The following ADGRF1 variants were observed in gnomAD, a reference collection of about 807,000 sequenced individuals.
The protein encoded by ADGRF1 is G protein-coupled receptor 110.
Under a neutral mutation model 87.2 loss-of-function variants are expected in ADGRF1, and 85 were observed. That is an observed-to-expected ratio of 0.97 (90% CI 0.82 to 1.17). The LOEUF (loss-of-function observed/expected upper bound fraction) is 1.17. Ranked by LOEUF, ADGRF1 falls within the 50% of genes most tolerant of loss-of-function variation. ADGRF1 has a pLI of 0.00. For synonymous variants in ADGRF1, 430 were observed against 408.8 expected, an observed-to-expected ratio of 1.05 and a Z score of -0.63; for missense variants, 1,169 against 1,077.2, an observed-to-expected ratio of 1.09 and a Z score of -1.19.
intron 9 of ADGRF1, chr6:47,013,113 C>A: frequency 1.0e-6 from 1 of 985,482 alleles, no homozygotes. Flanking sequence ...CTCCCATCTA[C>A]TTTTACTACA....
At chr6:47,042,146 C>T (rs1436692909) in intron 1 of ADGRF1, 45 bp downstream of exon 1, 4 of 152,014 alleles carry the variant, frequency 2.6e-5, no homozygotes, top group African/African-American at 7.3e-5. Flanking sequence ...TACTGGTCAT[C>T]GTAATACACG....
chr6:47,031,883 A>AT (rs909136748), intron 1 of ADGRF1, among the ~76,000 whole-genome samples: 16 of 151,810 alleles, frequency 1.1e-4, no homozygotes, highest in African/African-American at 2.7e-4. Context: ...AATTCTTTTA[A>AT]TTTTTTTTGT....
Position 47,020,174 on chromosome 6 carries a change from C to T in ADGRF1, c.611+557G>A, listed in dbSNP as rs75058770. 3,980 of 1,155,820 alleles carry T rather than the reference C, an allele frequency of 3.4e-3. 113 individuals are homozygous for T. The African/African-American group carries it at 0.058, about 17-fold the overall frequency. 71.6% of individuals were successfully genotyped at this position (1,155,820 alleles called of 1,614,324 possible). On this transcript the variant is annotated intron_variant, in intron 7 of 14. Transcript: ENST00000371253. Reference sequence around the variant, plus strand: ...TGTTTTGTAGTTCTACTCACTGACCCACAGTTTTGAGAATGCTTTCCAATA... The same window carrying T: ...TGTTTTGTAGTTCTACTCACTGACCTACAGTTTTGAGAATGCTTTCCAATA...
intron 8 of ADGRF1, among the ~76,000 whole-genome samples, 200 bp from the exon 9 acceptor site, chr6:47,015,044 C>CTAA (rs1278792334): frequency 1.5e-4 from 23 of 152,240 alleles, no homozygotes; most frequent in Admixed American, 5.2e-4. Flanking sequence ...GATGCCTTAC[C>CTAA]CTCCCTGAGG....
At chr6:47,004,301 T>C (rs1779452337) in intron 13 of ADGRF1, among the ~76,000 whole-genome samples, 1 of 152,222 alleles carries the variant, frequency 6.6e-6, no homozygotes, top group African/African-American at 2.4e-5. Flanking sequence ...AAGAAAATTA[T>C]AAATGCACAT....
chr6:47,020,459 G>A, intron 7 of ADGRF1: 1 of 1,290,110 alleles, frequency 7.8e-7, no homozygotes, highest in South Asian at 1.3e-5. Context: ...AGCCTAGATT[G>A]TGCCATTGCA....
intron 1 of ADGRF1, among the ~76,000 whole-genome samples, chr6:47,038,957 G>A (rs1780665620): frequency 1.3e-5 from 2 of 152,104 alleles, no homozygotes; most frequent in South Asian, 4.1e-4. Flanking sequence ...AAGTGTAAAA[G>A]GTGTTCATGG....
chr6:47,024,688 C>T (rs1780171648), intron 4 of ADGRF1, among the ~76,000 whole-genome samples: 1 of 152,122 alleles, frequency 6.6e-6, no homozygotes, highest in Non-Finnish European at 1.5e-5. Flanking sequence ...AAAGTAATAG[C>T]AATTTTTGCC....
chr6:47,019,226 C>T (rs956780211), intron 7 of ADGRF1: 1 of 876,124 alleles, frequency 1.1e-6, no homozygotes, highest in Non-Finnish European at 1.4e-6. Context: ...ACAAGGATCA[C>T]AGAAAAGAAA....
chr6:47,022,483 G>C (rs1050804435), intron 5 of ADGRF1, among the ~76,000 whole-genome samples: 2 of 152,184 alleles, frequency 1.3e-5, no homozygotes. Context: ...TCTGCAATGG[G>C]ACAATTCTCT....
intron 12 of ADGRF1, among the ~76,000 whole-genome samples, chr6:47,007,037 A>G (rs1320757126): frequency 6.7e-6 from 1 of 150,126 alleles, no homozygotes; most frequent in African/African-American, 2.5e-5. Flanking sequence ...GACAACGTTT[A>G]CATTACATGT....
At position 47,040,503 on chromosome 6, in the gene ADGRF1, G is replaced by C. The variant is rs372131130; in HGVS notation, c.-44+1688C>G. On this transcript the variant is annotated intron_variant, in intron 1 of 14. Transcript: ENST00000371253. ...TAAAATAAAATAAAAAAAAAAACAGGCAAAATATTTTGAAAGTTACAAATA... is the reference window on the plus strand; with the variant it reads ...TAAAATAAAATAAAAAAAAAAACAGCCAAAATATTTTGAAAGTTACAAATA... 2.4e-3 allele frequency among the ~76,000 whole-genome samples: 355 copies of C among 148,084 alleles called. 3 individuals are homozygous for C. The highest frequency in any genetic ancestry group is 8.4e-3 in the African/African-American group (340 of 40,342).
intron 6 of ADGRF1, among the ~76,000 whole-genome samples, chr6:47,021,474 C>T (rs916296910): frequency 2.0e-5 from 3 of 152,086 alleles, no homozygotes; most frequent in Non-Finnish European, 2.9e-5. Flanking sequence ...AATTCTCGTG[C>T]CTCATCACCT....
intron 13 of ADGRF1, among the ~76,000 whole-genome samples, chr6:47,004,427 T>TACAG (rs1278978479): frequency 2.6e-5 from 4 of 152,208 alleles, no homozygotes; most frequent in Non-Finnish European, 5.9e-5. Context: ...AAGGTACAAA[T>TACAG]ACAGACACTG....
At chr6:47,006,637 T>C (rs1779541298) in intron 12 of ADGRF1, among the ~76,000 whole-genome samples, 1 of 152,170 alleles carries the variant, frequency 6.6e-6, no homozygotes. Context: ...CTGAGCAGTA[T>C]ATACTGCACC....
Position 47,009,646 on chromosome 6 carries a change from T to C in ADGRF1, c.1789A>G (p.Ile597Val). ...WITYVGLGIS[I>V]GSLILCLIIE... ...ATCAGGCATAAAATGAGACTTCCAA[T>C]GGAGATACCCAGTCCCACATAGGTG... The change falls in exon 11 of 15, where the codon ATT becomes GTT. Residue 597 changes from isoleucine to valine, a missense_variant. Physicochemically the swap from Ile to Val is conservative, Grantham distance 29. Transcript: ENST00000371253. 6.2e-7 allele frequency: 1 copy of C among 1,614,088 alleles called. No homozygotes were observed. Among genetic ancestry groups the C allele is most frequent in the African/African-American group, 1.3e-5 (1 of 75,040 alleles).
intron 9 of ADGRF1, 158 bp from the exon 10 acceptor site, chr6:47,012,353 T>C (rs546127310): frequency 3.1e-5 from 41 of 1,328,820 alleles, no homozygotes; most frequent in Admixed American, 1.8e-4. Context: ...TATTCAGTGA[T>C]TTCTATATTT....
Position 46,999,199 on chromosome 6 carries a change from C to T in ADGRF1, c.*1023G>A, listed in dbSNP as rs1356607317. 1.3e-5 allele frequency: 2 copies of T among 152,164 alleles called. No homozygotes were observed. The highest frequency in any genetic ancestry group is 2.1e-4 in the South Asian group (1 of 4,830). The allele number at this position is 152,164 out of a possible 1,614,324, so 9.4% of individuals were successfully genotyped here. The stretch of plus-strand genomic sequence containing the variant: ...GTATGTCATCCAAAAGTGGCACTGG[C>T]TGTACAAGAAAATAACTTCCACAAA... On this transcript the variant is annotated 3_prime_UTR_variant, in exon 15 of 15. Coordinates refer to ENST00000371253, the MANE Select transcript of ADGRF1 (RefSeq NM_153840.4).
In ADGRF1 at chr6:47,012,116, T is replaced by C. The variant is rs759798389; in HGVS notation, c.1007A>G (p.Gln336Arg). ...ATTCCCCACTGTGGTTGATGGGTTTTGCCGAATGATGACAGAAAGATTTTG... is the reference window on the plus strand; with the variant it reads ...ATTCCCCACTGTGGTTGATGGGTTTCGCCGAATGATGACAGAAAGATTTTG... ...FVQNLSVIIR[Q>R]NPSTTVGNLA... is the part of the protein sequence containing the mutation. The change falls in exon 10 of 15, where the codon CAA becomes CGA. Residue 336 changes from glutamine to arginine, a missense_variant. Gln to Arg is a conservative substitution (Grantham distance 43, BLOSUM62 1). Coordinates refer to ENST00000371253, the MANE Select transcript of ADGRF1 (RefSeq NM_153840.4). 12 of 1,614,050 alleles carry C rather than the reference T, an allele frequency of 7.4e-6. No individual in the cohort carries two copies.
Sources: gnomAD v4.1 joint callset for allele counts (sites outside exome capture counted in the v4.1 genomes callset) on GRCh38, gnomAD v4.1.1 for gene constraint, MANE v1.5 for transcripts, NCBI Gene and HGNC (gene_info 2026-07-23, HGNC 2026-07-21) for gene names.